Variants in KDM4C observed in about 807,000 individuals in gnomAD.
KDM4C encodes the protein lysine demethylase 4C.
In KDM4C, 81 loss-of-function variants were observed where a neutral mutation model predicts 129.3. The observed-to-expected ratio is 0.63, with a 90% CI of 0.52 to 0.75. The LOEUF is 0.75. KDM4C is among the 30% of genes least tolerant of loss of function. The probability of loss-of-function intolerance (pLI) is 0.00; values close to 1 mark genes in which losing one functional copy is unlikely to be tolerated. For missense variants in KDM4C, 1,457 were observed against 1,304.0 expected, an observed-to-expected ratio of 1.12 and a Z score of -1.81; for synonymous variants, 573 against 456.1, an observed-to-expected ratio of 1.26 and a Z score of -3.26.
chr9:6,872,303 T>C (rs1411816899), intron 5 of KDM4C, among the ~76,000 whole-genome samples: 1 of 152,142 alleles, frequency 6.6e-6, no homozygotes, highest in African/African-American at 2.4e-5. Flanking sequence ...GGTAGAGTGG[T>C]TAGGACTTGT....
At chr9:7,019,434 C>G (rs895957293) in intron 15 of KDM4C, among the ~76,000 whole-genome samples, 1 of 134,052 alleles carries the variant, frequency 7.5e-6, no homozygotes. Flanking sequence ...AACTCTCATT[C>G]CTAATTCCCT....
intron 11 of KDM4C, among the ~76,000 whole-genome samples, chr9:6,988,999 A>G (rs1006154607): frequency 6.6e-6 from 1 of 152,116 alleles, no homozygotes; most frequent in Non-Finnish European, 1.5e-5. Flanking sequence ...CCCCTCTATA[A>G]TCTACACTTC....
At chr9:6,832,437 T>C (rs1835011214) in intron 4 of KDM4C, among the ~76,000 whole-genome samples, 1 of 146,990 alleles carries the variant, frequency 6.8e-6, no homozygotes, top group African/African-American at 2.5e-5. Flanking sequence ...TCTTTTTTTT[T>C]TTTTTTGAGG....
intron 15 of KDM4C, among the ~76,000 whole-genome samples, chr9:7,030,770 A>G (rs1225486159): frequency 6.6e-6 from 1 of 152,226 alleles, no homozygotes; most frequent in Admixed American, 6.5e-5. Flanking sequence ...TATGCTTGAT[A>G]GTAATATAGT....
intron 19 of KDM4C, among the ~76,000 whole-genome samples, chr9:7,134,429 A>G (rs1309569630): frequency 6.6e-6 from 1 of 152,232 alleles, no homozygotes; most frequent in Non-Finnish European, 1.5e-5. Context: ...CACATGATGC[A>G]TAAATCAAAT....
intron 15 of KDM4C, among the ~76,000 whole-genome samples, chr9:7,039,387 T>C (rs1011968122): frequency 8.6e-5 from 13 of 152,032 alleles, no homozygotes; most frequent in Admixed American, 7.2e-4. Context: ...TCAATTTTTT[T>C]GTAGAATTCT....
At chr9:6,728,923 AG>A (rs1817233415) in intron 1 of KDM4C, among the ~76,000 whole-genome samples, 1 of 150,986 alleles carries the variant, frequency 6.6e-6, no homozygotes, top group South Asian at 2.1e-4. Flanking sequence ...AAAAGGAAGA[AG>A]GCTGGGCGCG....
intron 1 of KDM4C, among the ~76,000 whole-genome samples, chr9:6,789,879 A>G (rs1354633632): frequency 6.6e-6 from 1 of 151,916 alleles, no homozygotes; most frequent in East Asian, 2.0e-4. Context: ...TTTTGTGCAG[A>G]TTATTTTCTC....
At position 6,841,153 on chromosome 9, in the gene KDM4C, T is replaced by C. The variant is rs1343263639; in HGVS notation, c.436-8354T>C. 2.6e-5 allele frequency among the ~76,000 whole-genome samples: 4 copies of C among 152,330 alleles called. 1 individual carries two copies. The East Asian group carries it at 7.7e-4, about 29-fold the overall frequency. On this transcript the variant is annotated intron_variant, in intron 4 of 21. Transcript: ENST00000381309. ...AGGTGGCAGATCTTTTTTTAATAAT[T>C]GGATTTTCTAATGAAGTGGTAGTTC...
At chr9:6,769,182 TAAGA>T (rs1421342153) in intron 1 of KDM4C, among the ~76,000 whole-genome samples, 1 of 152,108 alleles carries the variant, frequency 6.6e-6, no homozygotes, top group Non-Finnish European at 1.5e-5. Flanking sequence ...TTAGGCTTCT[TAAGA>T]AAGGATTTCT....
chr9:6,733,758 C>G (rs1202683792), intron 1 of KDM4C, among the ~76,000 whole-genome samples: 1 of 152,176 alleles, frequency 6.6e-6, no homozygotes, highest in Non-Finnish European at 1.5e-5. Flanking sequence ...AGAGCAGCCC[C>G]AAGGGCTGCT....
chr9:6,747,445 G>A (rs1817919562), intron 1 of KDM4C, among the ~76,000 whole-genome samples: 2 of 150,834 alleles, frequency 1.3e-5, no homozygotes, highest in South Asian at 2.1e-4. Context: ...CTACTCCGGA[G>A]GCTGAGGCAG....
intron 3 of KDM4C, among the ~76,000 whole-genome samples, chr9:6,814,199 C>G (rs1275893179): frequency 6.6e-6 from 1 of 152,134 alleles, no homozygotes; most frequent in Non-Finnish European, 1.5e-5. Flanking sequence ...AATATAATAA[C>G]TGCAAAATAT....
At chr9:6,788,722 G>GA (rs960975079) in intron 1 of KDM4C, among the ~76,000 whole-genome samples, 8 of 152,192 alleles carry the variant, frequency 5.3e-5, no homozygotes, top group Admixed American at 5.2e-4. Flanking sequence ...TGGAGGAGCT[G>GA]ATGGCTCAGT....
chr9:6,961,460 G>T (rs967888996), intron 8 of KDM4C, among the ~76,000 whole-genome samples: 4 of 152,176 alleles, frequency 2.6e-5, no homozygotes, highest in Non-Finnish European at 5.9e-5. Context: ...AGTCGTGGTT[G>T]TATAAACTGT....
intron 8 of KDM4C, among the ~76,000 whole-genome samples, chr9:6,904,636 C>T (rs918911195): frequency 6.6e-6 from 1 of 152,156 alleles, no homozygotes; most frequent in African/African-American, 2.4e-5. Context: ...GCTTATTCCA[C>T]TACAGTTAAT....
chr9:6,807,132 C>T (rs1422715856), intron 3 of KDM4C, among the ~76,000 whole-genome samples: 2 of 151,940 alleles, frequency 1.3e-5, no homozygotes, highest in South Asian at 2.1e-4. Context: ...GCGAGTGATC[C>T]GCCAGCCTCG....
intron 14 of KDM4C, among the ~76,000 whole-genome samples, chr9:7,015,236 T>C (rs1213723542): frequency 1.3e-5 from 2 of 152,158 alleles, no homozygotes; most frequent in Admixed American, 1.3e-4. Flanking sequence ...ATTGGAAATA[T>C]TAAAAATTAC....
At chr9:7,100,339 A>AT (rs970693661) in intron 17 of KDM4C, among the ~76,000 whole-genome samples, 125 of 151,424 alleles carry the variant, frequency 8.3e-4, no homozygotes, top group African/African-American at 2.3e-3. Context: ...ATGCATAAAG[A>AT]TTTTTTTTTC....
Sources: allele counts gnomAD v4.1 joint callset (sites outside exome capture counted in the v4.1 genomes callset), GRCh38; gene constraint gnomAD v4.1.1; transcripts MANE v1.5; gene names NCBI Gene and HGNC (gene_info 2026-07-23, HGNC 2026-07-21).